RANBP2: variants seen among roughly 807,000 people sequenced by gnomAD.
The protein encoded by RANBP2 is RAN binding protein 2.
Under a neutral mutation model 303.6 loss-of-function variants are expected in RANBP2, and 57 were observed. The observed-to-expected ratio is 0.19, with a 90% CI of 0.15 to 0.23. The LOEUF (loss-of-function observed/expected upper bound fraction) is 0.23, where lower values mean the gene tolerates loss of function less well. RANBP2 is among the 10% of genes least tolerant of loss of function. The pLI is 1.00. For synonymous variants in RANBP2, 1,167 were observed against 1,301.5 expected (o/e 0.90, Z 2.23); for missense variants, 3,138 against 3,780.8 (o/e 0.83, Z 4.46).
the RANBP2 span, among the ~76,000 whole-genome samples, chr2:109,387,121 T>A: frequency 6.6e-6 from 1 of 152,232 alleles, no homozygotes; most frequent in East Asian, 1.9e-4. Context: ...TAGCATATTG[T>A]TCTGTTTCTT....
rs779521338 is a variant in RANBP2, at chr2:108,767,042, A to G, written c.6503A>G (p.Gln2168Arg). The G allele has an allele frequency of 8.1e-6, 13 of 1,610,564 alleles. No homozygotes were observed. In the East Asian group the frequency reaches 2.9e-4, roughly 36 times the overall value. ...VDTGRAAKLI[Q>R]RAEEMKSGLK... ...ACTGGCAGAGCTGCCAAGTTAATACAGAGAGCTGAAGAAATGAAGAGTGGA... is the reference window on the plus strand; with the variant it reads ...ACTGGCAGAGCTGCCAAGTTAATACGGAGAGCTGAAGAAATGAAGAGTGGA... The change falls in exon 20 of 29, where the codon CAG becomes CGG. Residue 2168 changes from glutamine to arginine, a missense_variant. This residue lies in a region of RANBP2 where 103 missense variants were observed against 214.3 expected (regional missense o/e 0.48). Coordinates refer to ENST00000283195, the MANE Select transcript of RANBP2 (RefSeq NM_006267.5).
chr2:109,298,565 G>A, the RANBP2 span, among the ~76,000 whole-genome samples: 1 of 152,124 alleles, frequency 6.6e-6, no homozygotes, highest in East Asian at 1.9e-4. Flanking sequence ...TTGTCTGCCA[G>A]CCCTGCAGGA....
At chr2:109,506,194 T>C in the RANBP2 span, among the ~76,000 whole-genome samples, 1 of 152,238 alleles carries the variant, frequency 6.6e-6, no homozygotes, top group Non-Finnish European at 1.5e-5. Flanking sequence ...GGGCCTTCAG[T>C]TGAGGCCTCA....
At chr2:108,999,599 C>T in the RANBP2 span, among the ~76,000 whole-genome samples, 3 of 152,136 alleles carry the variant, frequency 2.0e-5, no homozygotes, top group Admixed American at 6.5e-5. Context: ...TTGGATATGG[C>T]GACGCCACAT....
the RANBP2 span, among the ~76,000 whole-genome samples, chr2:108,927,422 C>A: frequency 6.6e-6 from 1 of 152,310 alleles, no homozygotes; most frequent in East Asian, 1.9e-4. Flanking sequence ...GAGCTCACCA[C>A]CCTTCCAGTG....
the RANBP2 span, among the ~76,000 whole-genome samples, chr2:109,237,133 G>A: frequency 6.6e-6 from 1 of 152,164 alleles, no homozygotes; most frequent in Non-Finnish European, 1.5e-5. Context: ...GAGGAAAGAT[G>A]TTCACGGAAT....
At chr2:109,391,662 G>A in the RANBP2 span, among the ~76,000 whole-genome samples, 2 of 152,164 alleles carry the variant, frequency 1.3e-5, no homozygotes, top group Non-Finnish European at 2.9e-5. Flanking sequence ...AGGGTTCGAT[G>A]TCCCCAGGAA....
At chr2:108,897,192 C>A in the RANBP2 span, 1 of 1,613,806 alleles carries the variant, frequency 6.2e-7, no homozygotes, top group South Asian at 1.1e-5. Context: ...GGCTAGTCTT[C>A]TCGAGGCAAT....
the RANBP2 span, among the ~76,000 whole-genome samples, chr2:109,258,020 G>A: frequency 6.6e-6 from 1 of 152,040 alleles, no homozygotes. Flanking sequence ...ACATACCTGT[G>A]CACACATGTA....
chr2:109,466,108 C>A, the RANBP2 span, among the ~76,000 whole-genome samples: 2 of 109,378 alleles, frequency 1.8e-5, no homozygotes, highest in African/African-American at 7.0e-5. Context: ...GAGATGGAGT[C>A]TCGCTCCGTC....
chr2:109,259,958 G>T, the RANBP2 span, among the ~76,000 whole-genome samples: 1 of 152,250 alleles, frequency 6.6e-6, no homozygotes, highest in East Asian at 1.9e-4. Context: ...GTTCTCAGAC[G>T]CCCAGGGGTT....
the RANBP2 span, among the ~76,000 whole-genome samples, chr2:109,421,342 C>T: frequency 6.6e-6 from 1 of 152,234 alleles, no homozygotes; most frequent in Non-Finnish European, 1.5e-5. Context: ...CTCTCAGTAG[C>T]TGCCACTTGT....
At chr2:109,315,722 G>A in the RANBP2 span, among the ~76,000 whole-genome samples, 1 of 152,356 alleles carries the variant, frequency 6.6e-6, no homozygotes, top group East Asian at 1.9e-4. Flanking sequence ...TTCCTCTGGG[G>A]CTCTTTCATC....
At chr2:109,351,407 G>C in the RANBP2 span, among the ~76,000 whole-genome samples, 1 of 152,236 alleles carries the variant, frequency 6.6e-6, no homozygotes, top group South Asian at 2.1e-4. Flanking sequence ...TAAATAAATT[G>C]TGGAGCCTAG....
At chr2:109,249,513 C>CTTTCT in the RANBP2 span, among the ~76,000 whole-genome samples, 1 of 43,622 alleles carries the variant, frequency 2.3e-5, no homozygotes, top group Non-Finnish European at 4.3e-5. Flanking sequence ...TTCTTTCATT[C>CTTTCT]TTTCTTTTTC....
At chr2:109,033,691 G>A in the RANBP2 span, among the ~76,000 whole-genome samples, 3 of 152,066 alleles carry the variant, frequency 2.0e-5, no homozygotes, top group Non-Finnish European at 4.4e-5. Context: ...GGTGGCTCAT[G>A]CCTGTAATCC....
chr2:109,585,293 C>T, the RANBP2 span: 1 of 1,606,032 alleles, frequency 6.2e-7, no homozygotes, highest in Non-Finnish European at 8.5e-7. Context: ...ATGTGTCAAT[C>T]AGTGTTGATT....
At chr2:109,218,565 T>A in the RANBP2 span, among the ~76,000 whole-genome samples, 2 of 152,118 alleles carry the variant, frequency 1.3e-5, no homozygotes, top group South Asian at 4.1e-4. Context: ...ACAATAGACC[T>A]TTTCATCTCT....
In RANBP2 at chr2:108,735,719, G is replaced by A. The variant is rs757718519; in HGVS notation, c.593G>A (p.Arg198His). The A allele has an allele frequency of 3.0e-5, 48 of 1,597,586 alleles. No homozygotes were observed. In the Middle Eastern group the frequency reaches 1.8e-3, roughly 60 times the overall value. The change falls in exon 5 of 29, where the codon CGT (arginine) becomes CAT (histidine). Residue 198 changes from arginine (R) to histidine (H), a missense_variant. Around this residue, in one of 20 missense-constraint regions of RANBP2, gnomAD observed 306 missense variants for 381.9 expected, o/e 0.80. Coordinates refer to ENST00000283195, the MANE Select transcript of RANBP2 (RefSeq NM_006267.5). Reference sequence around the variant, plus strand: ...GAGGCAGAGAGGAACATAGCTTTGCGTTCAAGTTTAGAATGGAATTCGTGT... The same window carrying A: ...GAGGCAGAGAGGAACATAGCTTTGCATTCAAGTTTAGAATGGAATTCGTGT... ...CHEAERNIAL[R>H]SSLEWNSCVV...
Sources: allele counts gnomAD v4.1 joint callset (sites outside exome capture counted in the v4.1 genomes callset), GRCh38; gene constraint gnomAD v4.1.1; regional missense constraint gnomAD v4.1.1; transcripts MANE v1.5; gene names NCBI Gene and HGNC (gene_info 2026-07-23, HGNC 2026-07-21).